Variants in COMP observed in about 807,000 individuals in gnomAD.
The protein encoded by COMP is cartilage oligomeric matrix protein, also known as cartilage oligomeric matrix protein (pseudoachondroplasia, epiphyseal dysplasia 1, multiple).
COMP carries 79 observed loss-of-function variants against 95.8 expected under a neutral mutation model. The observed-to-expected ratio is 0.82, with a 90% CI of 0.69 to 0.99. The LOEUF is 0.99. Ranked by LOEUF, COMP falls within the 50% of genes least tolerant of loss-of-function variation. The pLI is 0.00. For missense variants in COMP, 906 were observed against 1,076.1 expected (o/e 0.84, Z 2.21); for synonymous variants, 438 against 433.9 (o/e 1.01, Z -0.12).
rs2055150994 is a variant in COMP, at chr19:18,784,479, A to G, written c.1915-116T>C. The G allele has an allele frequency of 8.2e-7, 1 of 1,214,664 alleles. No homozygotes were observed. Among genetic ancestry groups the G allele is most frequent in the Non-Finnish European group, 1.2e-6 (1 of 841,730 alleles). 75.2% of individuals were successfully genotyped at this position (1,214,664 alleles called of 1,614,324 possible). A position where few individuals can be genotyped will look rare whatever the true frequency, so the allele number is the denominator to read the frequency against. On this transcript the variant is annotated intron_variant, in intron 16 of 18. Transcript: ENST00000222271. This position sits in a 1 kb window ranked among gnomAD's most constrained non-coding sequence, Gnocchi z 4.9. ...GTGGTGGGCGGCCAGGGGGATCCGG[A>G]TGAGAGACCCACAAGGAAGCCTTCT...
intron 9 of COMP, 28 bp from the exon 10 acceptor site, chr19:18,787,678 G>GA (rs755529965): frequency 1.2e-5 from 20 of 1,611,914 alleles, no homozygotes; most frequent in African/African-American, 4.0e-5. Flanking sequence ...TTAAGGGTGA[G>GA]ATCAGGTCGA....
Position 18,788,338 on chromosome 19 carries a change from G to A in COMP, c.868-19C>T, listed in dbSNP as rs914656210. On this transcript the variant is annotated intron_variant, in intron 8 of 18. Coordinates refer to ENST00000222271, the MANE Select transcript of COMP (RefSeq NM_000095.3). This position sits in a 1 kb window ranked among gnomAD's most constrained non-coding sequence, Gnocchi z 4.7. ...AGTTGTCCTGGGGGCGGGCACAGAA[G>A]GTGTGAGGGGCGCGGTCATGAAGTC... The A allele has an allele frequency of 1.2e-6, 2 of 1,609,218 alleles. No homozygotes were observed. Among genetic ancestry groups the A allele is most frequent in the Non-Finnish European group, 1.7e-6 (2 of 1,179,370 alleles).
At chr19:18,787,117 G>A (rs1377359065) in intron 10 of COMP, 1 of 403,022 alleles carries the variant, frequency 2.5e-6, no homozygotes, top group Non-Finnish European at 4.6e-6. Context: ...GAAGGCTAGT[G>A]AGGGGGACGG....
In COMP at chr19:18,788,825, C is replaced by T. The variant is rs777464866; in HGVS notation, c.603+14G>A. On this transcript the variant is annotated intron_variant, in intron 6 of 18. Coordinates refer to ENST00000222271, the MANE Select transcript of COMP (RefSeq NM_000095.3). This position sits in a 1 kb window ranked among gnomAD's most constrained non-coding sequence, Gnocchi z 4.7. ...ACCTCCCGCGATCCTTTCTTCCTCC[C>T]CAGCGGGCCTTACCCGGGTGTTGAT... The T allele has an allele frequency of 6.2e-7, 1 of 1,613,546 alleles. No homozygotes were observed. Among genetic ancestry groups the T allele is most frequent in the Admixed American group, 1.7e-5 (1 of 59,986 alleles).
chr19:18,790,692 C>T (rs1568557491), intron 2 of COMP, 79 bp from the exon 3 acceptor site: 1 of 1,612,674 alleles, frequency 6.2e-7, no homozygotes, highest in Non-Finnish European at 8.5e-7. Context: ...CCCCGGGGTC[C>T]CTTTCTACAG....
intron 13 of COMP, 53 bp downstream of exon 13, chr19:18,785,912 G>A: frequency 6.2e-7 from 1 of 1,601,914 alleles, no homozygotes; most frequent in East Asian, 2.2e-5. Context: ...TAGACCCCGC[G>A]CCAGGAGCCC....
At position 18,789,085 on chromosome 19, in the gene COMP, AGAG is replaced by A; in HGVS notation, c.528+72_528+74del. On this transcript the variant is annotated intron_variant, in intron 5 of 18. Transcript: ENST00000222271. This position sits in a 1 kb window ranked among gnomAD's most constrained non-coding sequence, Gnocchi z 6.1. ...CCCCTCCCGCTGGAAGGAGGCTGGAAGAGGAGTTTACTGGTAAACAAAATGGAC... is the reference window on the plus strand; with the variant it reads ...CCCCTCCCGCTGGAAGGAGGCTGGAAGAGTTTACTGGTAAACAAAATGGAC... 9.0e-6 allele frequency: 14 copies of A among 1,563,090 alleles called. No individual in the cohort carries two copies. The South Asian group carries it at 1.1e-4, about 12-fold the overall frequency.
chr19:18,789,893 G>C lies in COMP; in HGVS notation c.390+49C>G, dbSNP rs2055198887. 6.3e-7 allele frequency: 1 copy of C among 1,585,624 alleles called. No individual in the cohort carries two copies. Among genetic ancestry groups the C allele is most frequent in the African/African-American group, 1.3e-5 (1 of 74,532 alleles). On this transcript the variant is annotated intron_variant, in intron 4 of 18. Coordinates refer to ENST00000222271, the MANE Select transcript of COMP (RefSeq NM_000095.3). The surrounding 1 kb of genome is among the most constrained non-coding windows in gnomAD (Gnocchi z 6.1). The stretch of plus-strand genomic sequence containing the variant: ...GTCTCCCGGGCGGCGAGAGATTGGG[G>C]GGCGGTAGAGGGAGTCGTCAGGGCG...
Position 18,790,553 on chromosome 19 carries a change from C to T in COMP, c.217+9G>A, listed in dbSNP as rs749580930. ...CTCTTCTCTCTCCCGACCGCCCCGC[C>T]GCGCTCACCGCACGCGTCACACTCC... On this transcript the variant is annotated intron_variant, in intron 3 of 18. Transcript: ENST00000222271. 2 of 1,613,804 alleles carry T rather than the reference C, an allele frequency of 1.2e-6. No individual in the cohort carries two copies. The highest frequency in any genetic ancestry group is 1.1e-5 in the South Asian group (1 of 91,082).
chr19:18,789,034 G>T lies in COMP; in HGVS notation c.529-121C>A. On this transcript the variant is annotated intron_variant, in intron 5 of 18. Coordinates refer to ENST00000222271, the MANE Select transcript of COMP (RefSeq NM_000095.3). The surrounding 1 kb of genome is among the most constrained non-coding windows in gnomAD (Gnocchi z 6.1). ...ATCCTGCCCCAAACCGATCAGCCCT[G>T]GCGCAGCGGACCCCTCCTCTCCCCA... 1 of 1,540,246 alleles carries T rather than the reference G, an allele frequency of 6.5e-7. No homozygotes were observed. Among genetic ancestry groups the T allele is most frequent in the Non-Finnish European group, 8.8e-7 (1 of 1,133,068 alleles).
intron 17 of COMP, 111 bp from the exon 18 acceptor site, chr19:18,783,304 G>A (rs928806438): frequency 4.2e-6 from 6 of 1,441,964 alleles, no homozygotes; most frequent in African/African-American, 2.8e-5. Flanking sequence ...TGCACTGGGA[G>A]CAAGTGAGGC....
Position 18,784,873 on chromosome 19 carries a change from T to C in COMP, c.1914+23A>G, listed in dbSNP as rs755824106. On this transcript the variant is annotated intron_variant, in intron 16 of 18. Transcript: ENST00000222271. The surrounding 1 kb of genome is among the most constrained non-coding windows in gnomAD (Gnocchi z 4.9). Reference sequence around the variant, plus strand: ...TGGGAGGGCATGAGGACCGCAGAGGTCAGGCACGGACGGCCCTGGCACCTT... The same window carrying C: ...TGGGAGGGCATGAGGACCGCAGAGGCCAGGCACGGACGGCCCTGGCACCTT... 28 of 1,611,780 alleles carry C rather than the reference T, an allele frequency of 1.7e-5. No individual in the cohort carries two copies. Among genetic ancestry groups the C allele is most frequent in the Admixed American group, 6.7e-5 (4 of 59,932 alleles).
chr19:18,785,594 T>A, intron 14 of COMP, 48 bp from the exon 15 acceptor site: 1 of 1,613,624 alleles, frequency 6.2e-7, no homozygotes, highest in Non-Finnish European at 8.5e-7. Context: ...GTGACAGCCC[T>A]AGGCACCCTG....
chr19:18,785,969 C>G lies in COMP; in HGVS notation c.1485G>C (p.Ala495=). The G allele has an allele frequency of 1.2e-6, 2 of 1,608,676 alleles. No homozygotes were observed. Among genetic ancestry groups the G allele is most frequent in the South Asian group, 1.1e-5 (1 of 90,364 alleles). ...RLVPNPGQED[A]DRDGVGDVCQ... ...CAGGCCCCGCCCCCGCCGTACTGTC[C>G]GCGTCCTCCTGGCCGGGGTTAGGCA... The change falls in exon 13 of 19, where the codon GCG becomes GCC. Residue 495 remains alanine, a synonymous_variant. Transcript: ENST00000222271.
chr19:18,788,811 T>C lies in COMP; in HGVS notation c.603+28A>G, dbSNP rs754925149. The C allele has an allele frequency of 5.6e-6, 9 of 1,612,608 alleles. No individual in the cohort carries two copies. The Admixed American group carries it at 1.5e-4, about 27-fold the overall frequency. The stretch of plus-strand genomic sequence containing the variant: ...CCGCCGCTCGCCCCACCTCCCGCGA[T>C]CCTTTCTTCCTCCCCAGCGGGCCTT... On this transcript the variant is annotated intron_variant, in intron 6 of 18. Transcript: ENST00000222271. This position sits in a 1 kb window ranked among gnomAD's most constrained non-coding sequence, Gnocchi z 4.7.
Position 18,790,077 on chromosome 19 carries a change from C to A in COMP, c.255G>T (p.Val85=). 6.5e-7 allele frequency: 1 copy of A among 1,545,818 alleles called. No individual in the cohort carries two copies. ...QQSVRTGLPS[V]RPLLHCAPGF... Reference sequence around the variant, plus strand: ...CGGGCGCGCAGTGGAGCAGGGGCCGCACGCTGGGTAGGCCGGTGCGTACTG... The same window carrying A: ...CGGGCGCGCAGTGGAGCAGGGGCCGAACGCTGGGTAGGCCGGTGCGTACTG... The change falls in exon 4 of 19, where the codon GTG becomes GTT. Residue 85 remains valine, a synonymous_variant. Transcript: ENST00000222271.
In COMP at chr19:18,788,833, C is replaced by A; in HGVS notation, c.603+6G>T. 3.7e-6 allele frequency: 6 copies of A among 1,613,772 alleles called. No individual in the cohort carries two copies. Among genetic ancestry groups the A allele is most frequent in the Middle Eastern group, 1.7e-4 (1 of 6,050 alleles). The stretch of plus-strand genomic sequence containing the variant: ...CGATCCTTTCTTCCTCCCCAGCGGG[C>A]CTTACCCGGGTGTTGATGCACACGG... On this transcript the variant is annotated splice_donor_region_variant and intron_variant, in intron 6 of 18. Transcript: ENST00000222271. The surrounding 1 kb of genome is among the most constrained non-coding windows in gnomAD (Gnocchi z 4.7).
chr19:18,790,736 C>A lies in COMP; in HGVS notation c.165+114G>T, dbSNP rs918037605. On this transcript the variant is annotated intron_variant, in intron 2 of 18. Coordinates refer to ENST00000222271, the MANE Select transcript of COMP (RefSeq NM_000095.3). Reference sequence around the variant, plus strand: ...CGCCAAGGACTCCCTACCCGCCGACCCCCTTCCCTCCCCATCTCCTCTCCA... The same window carrying A: ...CGCCAAGGACTCCCTACCCGCCGACACCCTTCCCTCCCCATCTCCTCTCCA... The A allele has an allele frequency of 6.2e-6, 10 of 1,606,910 alleles. No homozygotes were observed. In the Admixed American group the frequency reaches 1.7e-4, roughly 27 times the overall value.
In COMP at chr19:18,784,697, C is replaced by G. The variant is rs972912598; in HGVS notation, c.1914+199G>C. On this transcript the variant is annotated intron_variant, in intron 16 of 18. Coordinates refer to ENST00000222271, the MANE Select transcript of COMP (RefSeq NM_000095.3). The surrounding 1 kb of genome is among the most constrained non-coding windows in gnomAD (Gnocchi z 4.9). ...TAGGGTCCATAGGAAGACTGGGGGG[C>G]CCTGAGAATGTTTGAGAATTTGTGC... Among the ~76,000 whole-genome samples the G allele has an allele frequency of 3.3e-5, 5 of 151,940 alleles. No homozygotes were observed. The highest frequency in any genetic ancestry group is 7.4e-5 in the Non-Finnish European group (5 of 67,974).
Sources: allele counts gnomAD v4.1 joint callset (sites outside exome capture counted in the v4.1 genomes callset), GRCh38; gene constraint gnomAD v4.1.1; non-coding constraint Gnocchi (gnomAD v3.1); transcripts MANE v1.5; gene names NCBI Gene and HGNC (gene_info 2026-07-23, HGNC 2026-07-21).